Variants in SNX29 observed in about 807,000 individuals in gnomAD.
SNX29 encodes sorting nexin-29.
SNX29 carries 78 observed loss-of-function variants against 102.1 expected under a neutral mutation model. The observed-to-expected ratio is 0.76, with a 90% CI of 0.64 to 0.92. The LOEUF (loss-of-function observed/expected upper bound fraction) is 0.92. Among genes scored for constraint, SNX29 ranks in the 40% least tolerant of loss-of-function variants. The pLI is 0.00. For synonymous variants in SNX29, 580 were observed against 414.5 expected (o/e 1.40, Z -4.85); for missense variants, 1,280 against 1,061.7 (o/e 1.21, Z -2.86).
At chr16:11,989,414 G>C (rs191738904) in intron 1 of SNX29, among the ~76,000 whole-genome samples, 2 of 152,232 alleles carry the variant, frequency 1.3e-5, no homozygotes, top group Non-Finnish European at 1.5e-5. Context: ...CTGGCAGACA[G>C]TCTGTCCTTT....
At chr16:12,204,182 T>C (rs1038574083) in intron 14 of SNX29, among the ~76,000 whole-genome samples, 3 of 152,188 alleles carry the variant, frequency 2.0e-5, no homozygotes, top group Non-Finnish European at 4.4e-5. Flanking sequence ...TCTGATCCTG[T>C]CTTTAGAGCC....
intron 14 of SNX29, among the ~76,000 whole-genome samples, chr16:12,268,431 G>A (rs1446113368): frequency 6.6e-6 from 1 of 152,188 alleles, no homozygotes; most frequent in Non-Finnish European, 1.5e-5. Context: ...TCATCGCAGA[G>A]CTCCGGGGTC....
intron 17 of SNX29, among the ~76,000 whole-genome samples, chr16:12,400,079 C>T (rs944314081): frequency 4.6e-5 from 7 of 152,168 alleles, no homozygotes; most frequent in African/African-American, 1.7e-4. Context: ...CTGATCCAGG[C>T]CACATTGTCT....
At chr16:12,134,203 G>C (rs1246473693) in intron 13 of SNX29, among the ~76,000 whole-genome samples, 1 of 152,210 alleles carries the variant, frequency 6.6e-6, no homozygotes, top group African/African-American at 2.4e-5. Flanking sequence ...AAGTAAATGG[G>C]TTCTTGAATT....
At chr16:12,547,337 C>G (rs547506370) in intron 20 of SNX29, among the ~76,000 whole-genome samples, 2 of 152,244 alleles carry the variant, frequency 1.3e-5, no homozygotes, top group East Asian at 1.9e-4. Context: ...GCCTTGCAGC[C>G]AAGGGAACTC....
chr16:12,095,658 T>A (rs1000161543), intron 11 of SNX29, among the ~76,000 whole-genome samples: 1 of 152,234 alleles, frequency 6.6e-6, no homozygotes, highest in African/African-American at 2.4e-5. Context: ...TCATGAGATA[T>A]AATTGATTAG....
chr16:12,526,131 C>T (rs2076776353), intron 20 of SNX29, among the ~76,000 whole-genome samples: 1 of 152,220 alleles, frequency 6.6e-6, no homozygotes, highest in Non-Finnish European at 1.5e-5. Flanking sequence ...ATTCGAGAAG[C>T]ACTGTTCTGG....
At chr16:12,256,870 A>C (rs1361426395) in intron 14 of SNX29, among the ~76,000 whole-genome samples, 1 of 152,176 alleles carries the variant, frequency 6.6e-6, no homozygotes. Context: ...ACTTGGACTT[A>C]TGATAGCTAA....
At chr16:12,171,457 C>T (rs1206755444) in intron 13 of SNX29, among the ~76,000 whole-genome samples, 4 of 152,146 alleles carry the variant, frequency 2.6e-5, no homozygotes, top group Non-Finnish European at 5.9e-5. Context: ...AAGATTCTCA[C>T]GTTTTGAGCC....
At chr16:12,114,320 G>A (rs559792684) in intron 11 of SNX29, among the ~76,000 whole-genome samples, 4 of 152,332 alleles carry the variant, frequency 2.6e-5, no homozygotes, top group South Asian at 4.1e-4. Context: ...GAAGGGCTCT[G>A]TTAGGAGGAG....
chr16:12,471,289 C>T (rs1203302567), intron 18 of SNX29, among the ~76,000 whole-genome samples: 1 of 152,186 alleles, frequency 6.6e-6, no homozygotes, highest in Non-Finnish European at 1.5e-5. Flanking sequence ...AAATTTTACC[C>T]TGGAATGTTG....
chr16:12,173,671 G>C (rs1018996982), intron 13 of SNX29, among the ~76,000 whole-genome samples: 1 of 152,218 alleles, frequency 6.6e-6, no homozygotes, highest in Non-Finnish European at 1.5e-5. Flanking sequence ...TAATGTTTGG[G>C]AGAAGGGAAG....
chr16:12,562,503 C>T (rs935331447), intron 20 of SNX29, among the ~76,000 whole-genome samples: 17 of 152,324 alleles, frequency 1.1e-4, no homozygotes, highest in South Asian at 4.1e-4. Flanking sequence ...GCATCGTGAG[C>T]AGCCCAAGTA....
At chr16:12,058,702 C>T (rs577107784) in intron 8 of SNX29, among the ~76,000 whole-genome samples, 1 of 151,228 alleles carries the variant, frequency 6.6e-6, no homozygotes, top group South Asian at 2.1e-4. Flanking sequence ...CCATGTTGGC[C>T]AGGCTGGTCT....
At position 12,573,505 on chromosome 16, in the gene SNX29, A is replaced by G; in HGVS notation, c.*4876A>G. The G allele has an allele frequency of 4.4e-6, 1 of 224,914 alleles. No homozygotes were observed. Among genetic ancestry groups the G allele is most frequent in the East Asian group, 6.4e-5 (1 of 15,522 alleles). 13.9% of individuals were successfully genotyped at this position (224,914 alleles called of 1,614,324 possible). ...AGATTCTAGATTCACTGGTGGTTTA[A>G]GAGGCCCAGGGATTTAGTTCTTACT... On this transcript the variant is annotated 3_prime_UTR_variant, in exon 21 of 21. Transcript: ENST00000566228.
At chr16:12,552,159 T>G (rs1036801200) in intron 20 of SNX29, among the ~76,000 whole-genome samples, 4 of 152,134 alleles carry the variant, frequency 2.6e-5, no homozygotes. Context: ...TACAGCTTAA[T>G]CTACTAATCC....
intron 20 of SNX29, chr16:12,545,567 T>C (rs1389451465): frequency 6.6e-6 from 1 of 152,034 alleles, no homozygotes; most frequent in Non-Finnish European, 1.5e-5. Flanking sequence ...AACGTTTGAG[T>C]AGATGGAGGA....
chr16:12,572,225 G>T lies in SNX29; in HGVS notation c.*3596G>T, dbSNP rs986190738. ...TGTGCTTTAAAAACCAGAGGCTCCT[G>T]AAAGTCGTTTACACCAGGTGGATTG... On this transcript the variant is annotated 3_prime_UTR_variant, in exon 21 of 21. Coordinates refer to ENST00000566228, the MANE Select transcript of SNX29 (RefSeq NM_032167.5). 4 of 1,019,506 alleles carry T rather than the reference G, an allele frequency of 3.9e-6. No homozygotes were observed. Among genetic ancestry groups the T allele is most frequent in the East Asian group, 1.0e-4 (2 of 19,570 alleles). 63.2% of individuals were successfully genotyped at this position (1,019,506 alleles called of 1,614,324 possible). A position where few individuals can be genotyped will look rare whatever the true frequency, so the allele number is the denominator to read the frequency against.
At chr16:12,486,986 CAAAGAA>C (rs906355319) in intron 19 of SNX29, among the ~76,000 whole-genome samples, 2 of 152,086 alleles carry the variant, frequency 1.3e-5, no homozygotes, top group Non-Finnish European at 2.9e-5. Context: ...CACTGAGAGT[CAAAGAA>C]AAAGAAAAAG....
Sources: allele counts gnomAD v4.1 joint callset (sites outside exome capture counted in the v4.1 genomes callset), GRCh38; gene constraint gnomAD v4.1.1; transcripts MANE v1.5; gene names NCBI Gene and HGNC (gene_info 2026-07-23, HGNC 2026-07-21).